GALNT2: variants seen among roughly 807,000 people sequenced by gnomAD.
The protein encoded by GALNT2 is UDP-GalNAc:polypeptide N-acetylgalactosaminyltransferase 2.
A neutral mutation model predicts 81.4 loss-of-function variants in GALNT2; 31 were observed. The ratio of observed to expected loss-of-function variants is 0.38; its 90% CI spans 0.29 to 0.51. GALNT2 has a LOEUF of 0.51. Among genes scored for constraint, GALNT2 ranks in the 20% least tolerant of loss-of-function variants. The pLI is 0.87. For missense variants in GALNT2, 629 were observed against 765.7 expected (o/e 0.82, Z 2.11); for synonymous variants, 303 against 287.4 (o/e 1.05, Z -0.55).
intron 2 of GALNT2, among the ~76,000 whole-genome samples, chr1:230,196,296 G>A (rs1445704951): frequency 1.1e-4 from 17 of 152,252 alleles, no homozygotes; most frequent in Admixed American, 9.1e-4. Context: ...CCCTTTCTCC[G>A]GGGCTTTCTT....
At chr1:230,075,165 G>A (rs531808620) in intron 1 of GALNT2, among the ~76,000 whole-genome samples, 79 of 119,140 alleles carry the variant, frequency 6.6e-4, no homozygotes, top group East Asian at 1.1e-3. Context: ...TCACTCTGTC[G>A]CCCAGGCTGG....
upstream of GALNT2, among the ~76,000 whole-genome samples, chr1:230,065,769 A>G (rs968678175): frequency 2.0e-5 from 3 of 152,144 alleles, no homozygotes; most frequent in African/African-American, 7.2e-5. Context: ...CAGGATTTGT[A>G]ATTTTCCCTT....
intron 3 of GALNT2, among the ~76,000 whole-genome samples, chr1:230,219,271 G>T (rs892112150): frequency 1.3e-5 from 2 of 152,158 alleles, no homozygotes; most frequent in Non-Finnish European, 2.9e-5. Flanking sequence ...CAAGGTACTT[G>T]TTCTTGATAT....
intron 1 of GALNT2, among the ~76,000 whole-genome samples, chr1:230,175,938 G>A (rs1240338361): frequency 6.6e-6 from 1 of 152,028 alleles, no homozygotes; most frequent in Non-Finnish European, 1.5e-5. Context: ...TGCGTAACCT[G>A]GACAAATTGC....
chr1:230,255,843 G>A (rs1369374044), intron 11 of GALNT2, among the ~76,000 whole-genome samples: 1 of 152,158 alleles, frequency 6.6e-6, no homozygotes, highest in African/African-American at 2.4e-5. Flanking sequence ...AACCATTCAA[G>A]GTGCAATTAA....
chr1:230,123,689 T>G (rs1273989123), intron 1 of GALNT2, among the ~76,000 whole-genome samples: 1 of 152,350 alleles, frequency 6.6e-6, no homozygotes, highest in African/African-American at 2.4e-5. Context: ...TTTCTACGAT[T>G]ATGGAAAGGA....
intron 1 of GALNT2, among the ~76,000 whole-genome samples, chr1:230,102,247 T>C (rs1258017086): frequency 6.6e-6 from 1 of 152,216 alleles, no homozygotes; most frequent in African/African-American, 2.4e-5. Context: ...TATGTCTTGT[T>C]CACTGCAGTC....
At position 230,099,463 on chromosome 1, in the gene GALNT2, C is replaced by T. The variant is rs1384115534; in HGVS notation, c.126+32057C>T. Among the ~76,000 whole-genome samples, 3 of 152,272 alleles carry T rather than the reference C, an allele frequency of 2.0e-5. No homozygotes were observed. The East Asian group carries it at 5.8e-4, about 29-fold the overall frequency. ...CACCAATGGTGTTTCATGAATCCAC[C>T]AAGACCATACAGCACTATAGCTTTG... On this transcript the variant is annotated intron_variant, in intron 1 of 15. Transcript: ENST00000366672.
At chr1:230,202,395 C>T (rs1663919076) in intron 2 of GALNT2, among the ~76,000 whole-genome samples, 1 of 152,344 alleles carries the variant, frequency 6.6e-6, no homozygotes, top group South Asian at 2.1e-4. Flanking sequence ...GGTAGAGCTC[C>T]TCAGTGCAGT....
chr1:230,123,075 T>C (rs1473692741), intron 1 of GALNT2, among the ~76,000 whole-genome samples: 1 of 152,248 alleles, frequency 6.6e-6, no homozygotes, highest in African/African-American at 2.4e-5. Context: ...GTTTCAAGCA[T>C]GCTGTTTAGG....
chr1:230,250,343 T>G, intron 9 of GALNT2, 114 bp from the exon 10 acceptor site: 1 of 756,896 alleles, frequency 1.3e-6, no homozygotes, highest in Non-Finnish European at 2.3e-6. Context: ...GTGGCTGTTC[T>G]GAAGATCAGC....
Position 230,128,257 on chromosome 1 carries a change from A to ATGTGTGTGTGTGTGTGTGTGTG in GALNT2, c.127-49941_127-49940insTGTGTGTGTGTGTGTGTGTGTG, listed in dbSNP as rs59410758. The stretch of plus-strand genomic sequence containing the variant: ...CTTCTAAATGCAAGTGCGCTGGAGA[A>ATGTGTGTGTGTGTGTGTGTGTG]TGTGTGTGTGTGTGTGTGTGGTTAT... On this transcript the variant is annotated intron_variant, in intron 1 of 15. Coordinates refer to ENST00000366672, the MANE Select transcript of GALNT2 (RefSeq NM_004481.5). 2.7e-3 allele frequency among the ~76,000 whole-genome samples: 409 copies of ATGTGTGTGTGTGTGTGTGTGTG among 149,852 alleles called. 1 individual carries two copies. The highest frequency in any genetic ancestry group is 6.2e-3 in the African/African-American group (253 of 40,780).
At chr1:230,222,690 A>C (rs540313528) in intron 3 of GALNT2, among the ~76,000 whole-genome samples, 2 of 152,088 alleles carry the variant, frequency 1.3e-5, no homozygotes, top group South Asian at 2.1e-4. Flanking sequence ...TATTTTGCAT[A>C]TATGGAGGGT....
chr1:230,250,330 A>C, intron 9 of GALNT2, 127 bp from the exon 10 acceptor site: 1 of 708,354 alleles, frequency 1.4e-6, no homozygotes. Flanking sequence ...AAACAGTGGC[A>C]GTGTGGCTGT....
At chr1:230,085,965 C>T (rs891689384) in intron 1 of GALNT2, among the ~76,000 whole-genome samples, 4 of 152,170 alleles carry the variant, frequency 2.6e-5, no homozygotes, top group Non-Finnish European at 5.9e-5. Flanking sequence ...GTGGGCTCAC[C>T]GTATGTCCAC....
At chr1:230,094,632 C>T (rs1660191584) in intron 1 of GALNT2, among the ~76,000 whole-genome samples, 1 of 152,144 alleles carries the variant, frequency 6.6e-6, no homozygotes, top group Non-Finnish European at 1.5e-5. Flanking sequence ...GAATGAAACT[C>T]CGTCTCAAAC....
chr1:230,134,104 C>T (rs1462713720), intron 1 of GALNT2, among the ~76,000 whole-genome samples: 2 of 147,806 alleles, frequency 1.4e-5, no homozygotes, highest in Non-Finnish European at 3.0e-5. Flanking sequence ...CTTCATCCAC[C>T]TGAATCTGTT....
chr1:230,105,291 T>C (rs1391312539), intron 1 of GALNT2, among the ~76,000 whole-genome samples: 1 of 152,190 alleles, frequency 6.6e-6, no homozygotes, highest in African/African-American at 2.4e-5. Context: ...CACCCACTGC[T>C]CTGTGGACTC....
intron 1 of GALNT2, among the ~76,000 whole-genome samples, chr1:230,114,923 C>T (rs1237205515): frequency 6.6e-6 from 1 of 151,942 alleles, no homozygotes; most frequent in Non-Finnish European, 1.5e-5. Context: ...CTATTAGTTT[C>T]CCTTCGCAAG....
Sources: allele counts gnomAD v4.1 joint callset (sites outside exome capture counted in the v4.1 genomes callset), GRCh38; gene constraint gnomAD v4.1.1; transcripts MANE v1.5; gene names NCBI Gene and HGNC (gene_info 2026-07-23, HGNC 2026-07-21).